Variants in ACACA observed in about 807,000 individuals in gnomAD.
ACACA encodes acetyl-CoA carboxylase alpha.
In ACACA, 103 loss-of-function variants were observed where a neutral mutation model predicts 296.1. The observed-to-expected ratio is 0.35, with a 90% CI of 0.30 to 0.41. The LOEUF is 0.41. Among genes scored for constraint, ACACA ranks in the 10% least tolerant of loss-of-function variants. The pLI is 1.00. For missense variants in ACACA, 1,554 were observed against 2,989.7 expected (o/e 0.52, Z 11.20); for synonymous variants, 953 against 1,038.6 (o/e 0.92, Z 1.58).
Position 37,378,239 on chromosome 17 carries a change from T to C in ACACA, c.38+28023A>G, listed in dbSNP as rs117874678. On this transcript the variant is annotated intron_variant, in intron 1 of 55. Coordinates refer to ENST00000616317, the MANE Select transcript of ACACA (RefSeq NM_198834.3). ...AAAGAAAAATCTATGAGCATTTCTCTGTGCTAAATTTACTGCTGTCACCAA... is the reference window on the plus strand; with the variant it reads ...AAAGAAAAATCTATGAGCATTTCTCCGTGCTAAATTTACTGCTGTCACCAA... 2.0e-3 allele frequency among the ~76,000 whole-genome samples: 312 copies of C among 152,334 alleles called. 1 individual carries two copies. Among genetic ancestry groups the C allele is most frequent in the Non-Finnish European group, 1.5e-3 (101 of 68,026 alleles).
At chr17:37,382,731 G>A (rs527929426) in intron 1 of ACACA, among the ~76,000 whole-genome samples, 1 of 152,268 alleles carries the variant, frequency 6.6e-6, no homozygotes, top group South Asian at 2.1e-4. Context: ...ATGGTGGCGT[G>A]TGCCTGTAGT....
chr17:37,135,657 G>A (rs1408792922), intron 45 of ACACA, among the ~76,000 whole-genome samples: 1 of 152,230 alleles, frequency 6.6e-6, no homozygotes, highest in Non-Finnish European at 1.5e-5. Context: ...ACAGGGCTCA[G>A]TGGAGAACAG....
chr17:37,151,247 A>G, intron 44 of ACACA, 54 bp downstream of exon 44: 7 of 1,610,290 alleles, frequency 4.3e-6, no homozygotes, highest in African/African-American at 1.3e-5. Flanking sequence ...AGAAAAAAAT[A>G]AACCTAGCCA....
intron 35 of ACACA, among the ~76,000 whole-genome samples, chr17:37,198,513 A>G (rs2078105363): frequency 6.6e-6 from 1 of 152,190 alleles, no homozygotes; most frequent in South Asian, 2.1e-4. Context: ...ATGGGCTTTC[A>G]TATTCTATCC....
In ACACA at chr17:37,247,995, TCAAA is replaced by T. The variant is rs765167065; in HGVS notation, c.2309+12_2309+15del. The T allele has an allele frequency of 4.3e-6, 7 of 1,613,822 alleles. No homozygotes were observed. Among genetic ancestry groups the T allele is most frequent in the Non-Finnish European group, 5.9e-6 (7 of 1,179,914 alleles). ...TAACAGGATGACCAGCAAATGGACC[TCAAA>T]CAGCCACTTACCTATCCACTTCCTC... On this transcript the variant is annotated intron_variant, in intron 18 of 55. Transcript: ENST00000616317.
chr17:37,179,200 A>G (rs2077228251), intron 41 of ACACA, 60 bp downstream of exon 41: 4 of 1,605,790 alleles, frequency 2.5e-6, no homozygotes, highest in African/African-American at 2.7e-5. Context: ...ACCACCTCAC[A>G]GAAAGCTGGT....
chr17:37,248,498 A>AT, intron 17 of ACACA, 95 bp downstream of exon 17: 1 of 923,570 alleles, frequency 1.1e-6, no homozygotes, highest in Non-Finnish European at 1.8e-6. Context: ...TAATACCCCC[A>AT]TCCCTGCATT....
chr17:37,241,200 AAAAT>A lies in ACACA; in HGVS notation c.3033-640_3033-637del, dbSNP rs202208460. Among the ~76,000 whole-genome samples the A allele has an allele frequency of 5.5e-4, 84 of 151,368 alleles. 1 individual carries two copies. Among genetic ancestry groups the A allele is most frequent in the Middle Eastern group, 3.4e-3 (1 of 294 alleles). On this transcript the variant is annotated intron_variant, in intron 23 of 55. Transcript: ENST00000616317. ...ACAGTGTGAGACCCTGTCTCCAAAAAAAATAAATAAATAAATAAATAAATAAATA... is the reference window on the plus strand; with the variant it reads ...ACAGTGTGAGACCCTGTCTCCAAAAAAAATAAATAAATAAATAAATAAATA...
At chr17:37,390,304 T>TTTTTTATATATATATATATATA (rs1201500381) in intron 1 of ACACA, among the ~76,000 whole-genome samples, 1 of 17,988 alleles carries the variant, frequency 5.6e-5, no homozygotes, top group Admixed American at 1.3e-3. Flanking sequence ...TTATACATAA[T>TTTTTTATATATATATATATATA]TATATATATA....
intron 3 of ACACA, among the ~76,000 whole-genome samples, chr17:37,287,184 C>T (rs546912086): frequency 1.3e-5 from 2 of 152,156 alleles, no homozygotes; most frequent in Non-Finnish European, 2.9e-5. Context: ...CTTTCCCCTA[C>T]AATTTAAACT....
intron 24 of ACACA, among the ~76,000 whole-genome samples, chr17:37,235,603 G>A (rs747981809): frequency 1.3e-5 from 2 of 152,130 alleles, no homozygotes; most frequent in Non-Finnish European, 2.9e-5. Flanking sequence ...GAAAATAGTT[G>A]ACCCTAATCA....
intron 29 of ACACA, among the ~76,000 whole-genome samples, chr17:37,219,081 T>C (rs2079162909): frequency 6.6e-6 from 1 of 152,086 alleles, no homozygotes; most frequent in Admixed American, 6.6e-5. Context: ...ACCAACTGTG[T>C]GATTAGAAGG....
intron 3 of ACACA, among the ~76,000 whole-genome samples, chr17:37,291,664 A>G (rs562383801): frequency 1.2e-4 from 18 of 152,220 alleles, no homozygotes; most frequent in Admixed American, 3.3e-4. Flanking sequence ...AATTTCTTAG[A>G]TCTTTGCTGC....
intron 41 of ACACA, among the ~76,000 whole-genome samples, chr17:37,175,979 C>T (rs2077097912): frequency 6.6e-6 from 1 of 152,168 alleles, no homozygotes; most frequent in African/African-American, 2.4e-5. Context: ...CACATCTCTA[C>T]TGAAACAGCC....
chr17:37,280,619 C>T (rs567007296), intron 5 of ACACA, among the ~76,000 whole-genome samples: 1 of 151,810 alleles, frequency 6.6e-6, no homozygotes, highest in Admixed American at 6.6e-5. Context: ...TAATTGTGCA[C>T]GGGGTTAAGA....
intron 1 of ACACA, among the ~76,000 whole-genome samples, chr17:37,373,128 C>T (rs1404364792): frequency 6.6e-6 from 1 of 152,208 alleles, no homozygotes; most frequent in Non-Finnish European, 1.5e-5. Context: ...ATCCACCTGA[C>T]TCAGCCTCCC....
chr17:37,273,618 GCT>G (rs916365091), intron 9 of ACACA, among the ~76,000 whole-genome samples: 4 of 152,140 alleles, frequency 2.6e-5, no homozygotes, highest in East Asian at 3.9e-4. Context: ...GCTGAATTAA[GCT>G]CTCTCTCTCT....
chr17:37,192,689 T>G (rs1567792330), intron 36 of ACACA, among the ~76,000 whole-genome samples: 1 of 152,194 alleles, frequency 6.6e-6, no homozygotes, highest in Non-Finnish European at 1.5e-5. Context: ...CATGCCAATG[T>G]TTTGAGCTTA....
intron 22 of ACACA, 114 bp downstream of exon 22, chr17:37,243,257 A>G: frequency 1.8e-6 from 2 of 1,141,126 alleles, no homozygotes; most frequent in Non-Finnish European, 2.6e-6. Context: ...CAATGCTTAA[A>G]AGTATACAAG....
Sources: allele counts gnomAD v4.1 joint callset (sites outside exome capture counted in the v4.1 genomes callset), GRCh38; gene constraint gnomAD v4.1.1; transcripts MANE v1.5; gene names NCBI Gene and HGNC (gene_info 2026-07-23, HGNC 2026-07-21).